Variants in BNC2 observed in about 807,000 individuals in gnomAD.
BNC2 encodes the protein basonuclin zinc finger protein 2.
A neutral mutation model predicts 76.3 loss-of-function variants in BNC2; 20 were observed. The observed-to-expected ratio is 0.26, with a 90% confidence interval of 0.18 to 0.38. BNC2 has a LOEUF of 0.38. Ranked by LOEUF, BNC2 falls within the 10% of genes least tolerant of loss-of-function variation. BNC2 has a pLI of 1.00. For synonymous variants in BNC2, 582 were observed against 514.8 expected (o/e 1.13, Z -1.77); for missense variants, 1,382 against 1,399.8 (o/e 0.99, Z 0.20).
intron 1 of BNC2, among the ~76,000 whole-genome samples, chr9:16,803,166 C>T (rs764139402): frequency 5.3e-5 from 8 of 152,122 alleles, no homozygotes; most frequent in Non-Finnish European, 1.2e-4. Flanking sequence ...CTGTGTGTTT[C>T]CAACAAAGCA....
At chr9:16,443,664 A>G (rs914508067) in intron 5 of BNC2, among the ~76,000 whole-genome samples, 32 of 152,194 alleles carry the variant, frequency 2.1e-4, no homozygotes, top group African/African-American at 7.7e-4. Context: ...GTACTGCACA[A>G]TAAAAAGAAC....
intron 1 of BNC2, among the ~76,000 whole-genome samples, chr9:16,792,382 C>T (rs887276571): frequency 8.5e-5 from 13 of 152,186 alleles, no homozygotes; most frequent in African/African-American, 2.9e-4. Flanking sequence ...ACTAACTTAT[C>T]TGCTTTCCTC....
intron 3 of BNC2, among the ~76,000 whole-genome samples, chr9:16,716,491 T>A (rs549960259): frequency 6.6e-6 from 1 of 152,262 alleles, no homozygotes; most frequent in African/African-American, 2.4e-5. Flanking sequence ...AAGGAGAATA[T>A]CTTTTACATT....
chr9:16,797,525 C>A (rs1817687665), intron 1 of BNC2, among the ~76,000 whole-genome samples: 1 of 152,132 alleles, frequency 6.6e-6, no homozygotes. Flanking sequence ...CATGAGCTAG[C>A]TTTTAAAATG....
intron 1 of BNC2, among the ~76,000 whole-genome samples, chr9:16,787,399 G>A (rs956151945): frequency 6.6e-6 from 1 of 152,212 alleles, no homozygotes; most frequent in Non-Finnish European, 1.5e-5. Flanking sequence ...TGATGTGCAT[G>A]AAAGAGTATG....
intron 1 of BNC2, among the ~76,000 whole-genome samples, chr9:16,770,776 A>C (rs543364364): frequency 6.6e-6 from 1 of 152,252 alleles, no homozygotes; most frequent in South Asian, 2.1e-4. Flanking sequence ...AGGTGGGAGA[A>C]TCGCTTGAAC....
At chr9:16,680,063 T>C (rs1822777105) in intron 3 of BNC2, among the ~76,000 whole-genome samples, 1 of 152,184 alleles carries the variant, frequency 6.6e-6, no homozygotes, top group Non-Finnish European at 1.5e-5. Flanking sequence ...GGGTAAACAG[T>C]TTGAAATCAC....
At chr9:16,686,813 T>G (rs1468884060) in intron 3 of BNC2, among the ~76,000 whole-genome samples, 2 of 152,138 alleles carry the variant, frequency 1.3e-5, no homozygotes, top group African/African-American at 4.8e-5. Flanking sequence ...AAAAGAAAAA[T>G]AAAAGGTACT....
chr9:16,702,020 A>C (rs1174583723), intron 3 of BNC2, among the ~76,000 whole-genome samples: 1 of 152,106 alleles, frequency 6.6e-6, no homozygotes, highest in Admixed American at 6.5e-5. Context: ...ATGAAAACAT[A>C]ATCCTGGGCT....
At chr9:16,659,978 G>A (rs1822061011) in intron 3 of BNC2, among the ~76,000 whole-genome samples, 1 of 152,184 alleles carries the variant, frequency 6.6e-6, no homozygotes, top group South Asian at 2.1e-4. Flanking sequence ...AGAATTATAT[G>A]TTCAGTTAAT....
At chr9:16,528,939 C>A (rs1817894414) in intron 5 of BNC2, among the ~76,000 whole-genome samples, 2 of 152,142 alleles carry the variant, frequency 1.3e-5, no homozygotes, top group South Asian at 4.1e-4. Context: ...TTCCAGAGGC[C>A]AGAAGTTTGC....
In BNC2 at chr9:16,426,325, C is replaced by CTTT. The variant is rs34622231; in HGVS notation, c.2640-6679_2640-6677dup. The stretch of plus-strand genomic sequence containing the variant: ...TACAGGCATGTGCCACCATGCCCAG[C>CTTT]TTTTTTTTTTTTTTTTGTCAGTATA... On this transcript the variant is annotated intron_variant, in intron 6 of 6. Transcript: ENST00000380672. 2.9e-4 allele frequency among the ~76,000 whole-genome samples: 40 copies of CTTT among 136,982 alleles called. No homozygotes were observed. The East Asian group carries it at 4.6e-3, about 16-fold the overall frequency. 89.9% of individuals were successfully genotyped at this position (136,982 alleles called of 152,430 possible).
intron 4 of BNC2, among the ~76,000 whole-genome samples, chr9:16,560,073 A>C (rs772196004): frequency 6.6e-6 from 1 of 152,232 alleles, no homozygotes; most frequent in Admixed American, 6.5e-5. Context: ...CATTGTGTGC[A>C]TCAGAATCAA....
At chr9:16,820,558 C>G (rs1054282903) in intron 1 of BNC2, among the ~76,000 whole-genome samples, 1 of 152,144 alleles carries the variant, frequency 6.6e-6, no homozygotes, top group African/African-American at 2.4e-5. Context: ...AATAACTATG[C>G]CTTTCCTCTC....
At chr9:16,797,449 A>T (rs767793333) in intron 1 of BNC2, among the ~76,000 whole-genome samples, 3 of 152,212 alleles carry the variant, frequency 2.0e-5, no homozygotes, top group Non-Finnish European at 2.9e-5. Flanking sequence ...CAATCATGCC[A>T]GTGAATCTCA....
At chr9:16,489,644 A>G (rs1265994835) in intron 5 of BNC2, among the ~76,000 whole-genome samples, 7 of 152,218 alleles carry the variant, frequency 4.6e-5, no homozygotes, top group African/African-American at 1.7e-4. Flanking sequence ...CCCATCTTCA[A>G]AGCCTCTCAG....
rs948317782 is a variant in BNC2 at position 16,636,269 on chromosome 9, T to C, written c.331-53184A>G. ...ATAAGAAGGTCTGACCATCCATAGT[T>C]CATGGTTCTAGAAGATGCAAGTTTT... On this transcript the variant is annotated intron_variant, in intron 3 of 6. Coordinates refer to ENST00000380672, the MANE Select transcript of BNC2 (RefSeq NM_017637.6). 5.3e-5 allele frequency among the ~76,000 whole-genome samples: 8 copies of C among 152,236 alleles called. No individual in the cohort carries two copies. The South Asian group carries it at 1.2e-3, about 24-fold the overall frequency.
chr9:16,561,709 A>G (rs1055165902), intron 4 of BNC2, among the ~76,000 whole-genome samples: 3 of 152,216 alleles, frequency 2.0e-5, no homozygotes, highest in Admixed American at 6.5e-5. Flanking sequence ...TTGATTATTA[A>G]AAGAATTAAT....
At chr9:16,669,186 G>C (rs1424547145) in intron 3 of BNC2, among the ~76,000 whole-genome samples, 1 of 152,156 alleles carries the variant, frequency 6.6e-6, no homozygotes, top group African/African-American at 2.4e-5. Flanking sequence ...ATTGATTGGA[G>C]CCTGAGAATA....
Sources: allele counts gnomAD v4.1 joint callset (sites outside exome capture counted in the v4.1 genomes callset), GRCh38; gene constraint gnomAD v4.1.1; transcripts MANE v1.5; gene names NCBI Gene and HGNC (gene_info 2026-07-23, HGNC 2026-07-21).